The following PTPRT variants were observed in gnomAD, a reference collection of about 807,000 sequenced individuals.
PTPRT encodes receptor-type tyrosine-protein phosphatase T.
Under a neutral mutation model 176.8 loss-of-function variants are expected in PTPRT, and 56 were observed. The observed-to-expected ratio is 0.32, with a 90% CI of 0.26 to 0.40. The LOEUF (loss-of-function observed/expected upper bound fraction) is 0.40. Ranked by LOEUF, PTPRT falls within the 10% of genes least tolerant of loss-of-function variation. The pLI is 1.00. For missense variants in PTPRT, 1,540 were observed against 1,908.2 expected (o/e 0.81, Z 3.60); for synonymous variants, 783 against 739.0 (o/e 1.06, Z -0.96).
intron 1 of PTPRT, among the ~76,000 whole-genome samples, chr20:43,050,889 G>A (rs1987017487): frequency 6.6e-6 from 1 of 152,164 alleles, no homozygotes; most frequent in African/African-American, 2.4e-5. Flanking sequence ...CATCTCCTGG[G>A]TGCACTGATA....
At chr20:42,194,622 C>T (rs1018993990) in intron 16 of PTPRT, among the ~76,000 whole-genome samples, 24 of 152,106 alleles carry the variant, frequency 1.6e-4, no homozygotes, top group African/African-American at 5.3e-4. Context: ...AAAATGATCC[C>T]AGTGAGCAAA....
chr20:42,515,546 T>G (rs941043291), intron 7 of PTPRT, among the ~76,000 whole-genome samples: 1 of 152,210 alleles, frequency 6.6e-6, no homozygotes, highest in Non-Finnish European at 1.5e-5. Flanking sequence ...TTTGCTATTA[T>G]ACTTATTATC....
intron 2 of PTPRT, among the ~76,000 whole-genome samples, chr20:42,808,319 G>A (rs893569209): frequency 6.6e-6 from 1 of 152,176 alleles, no homozygotes; most frequent in Non-Finnish European, 1.5e-5. Context: ...CAGTGACAAT[G>A]GGTCTGGGGA....
chr20:42,288,180 T>C (rs1247475752), intron 12 of PTPRT, among the ~76,000 whole-genome samples: 2 of 151,908 alleles, frequency 1.3e-5, no homozygotes, highest in African/African-American at 2.4e-5. Flanking sequence ...CACACACCTA[T>C]GACCAGCACC....
chr20:42,888,506 T>C (rs528437774), intron 1 of PTPRT, among the ~76,000 whole-genome samples: 2 of 152,330 alleles, frequency 1.3e-5, no homozygotes, highest in Middle Eastern at 3.4e-3. Context: ...AGAGAATTGA[T>C]GCACTGAGGG....
intron 6 of PTPRT, among the ~76,000 whole-genome samples, chr20:42,755,649 C>T (rs1428582243): frequency 6.6e-6 from 1 of 151,364 alleles, no homozygotes; most frequent in African/African-American, 2.4e-5. Context: ...GGCCTCCCAA[C>T]TCTACCCCCA....
chr20:42,110,252 A>C, intron 23 of PTPRT, 81 bp downstream of exon 23: 1 of 1,336,354 alleles, frequency 7.5e-7, no homozygotes, highest in South Asian at 1.6e-5. Flanking sequence ...AGGTTTCACC[A>C]CGTTGGCCAG....
chr20:42,311,145 C>A (rs553875775), intron 12 of PTPRT, among the ~76,000 whole-genome samples: 1 of 152,264 alleles, frequency 6.6e-6, no homozygotes, highest in South Asian at 2.1e-4. Context: ...TTTGTTCTCT[C>A]CCCCACTAGA....
At chr20:42,490,673 T>A (rs2071546842) in intron 7 of PTPRT, among the ~76,000 whole-genome samples, 1 of 152,118 alleles carries the variant, frequency 6.6e-6, no homozygotes, top group Admixed American at 6.6e-5. Context: ...GCAATCCTCA[T>A]ACATCTTATT....
intron 1 of PTPRT, among the ~76,000 whole-genome samples, chr20:43,055,049 T>A (rs992910620): frequency 3.3e-5 from 5 of 152,222 alleles, no homozygotes; most frequent in African/African-American, 1.2e-4. Flanking sequence ...AATCTCCCCA[T>A]CACCCTACCA....
intron 1 of PTPRT, among the ~76,000 whole-genome samples, chr20:43,153,206 A>C (rs1361528252): frequency 6.6e-6 from 1 of 152,212 alleles, no homozygotes; most frequent in African/African-American, 2.4e-5. Flanking sequence ...GTGGACACCA[A>C]TATATATAGT....
At chr20:42,705,355 G>A (rs1252708328) in intron 6 of PTPRT, among the ~76,000 whole-genome samples, 1 of 148,500 alleles carries the variant, frequency 6.7e-6, no homozygotes, top group Non-Finnish European at 1.5e-5. Flanking sequence ...ATTATCGTTG[G>A]TTCTTATAGG....
At chr20:42,408,117 T>C (rs2058978830) in intron 9 of PTPRT, among the ~76,000 whole-genome samples, 3 of 152,164 alleles carry the variant, frequency 2.0e-5, no homozygotes, top group Non-Finnish European at 4.4e-5. Context: ...ACTCAGAATC[T>C]TCATAATTTT....
chr20:42,081,102 C>T (rs1238953343), intron 30 of PTPRT, among the ~76,000 whole-genome samples, 170 bp from the exon 31 acceptor site: 1 of 152,202 alleles, frequency 6.6e-6, no homozygotes, highest in East Asian at 1.9e-4. Flanking sequence ...CTTCAAAATT[C>T]TGCTTGATGC....
At chr20:42,118,619 C>T (rs578238165) in intron 20 of PTPRT, 119 bp from the exon 21 acceptor site, 1 of 680,754 alleles carries the variant, frequency 1.5e-6, no homozygotes, top group African/African-American at 1.8e-5. Context: ...GCCAGGTGAT[C>T]CTTGTTAAGA....
intron 7 of PTPRT, among the ~76,000 whole-genome samples, chr20:42,577,044 A>G (rs994156706): frequency 3.3e-5 from 5 of 152,180 alleles, no homozygotes; most frequent in African/African-American, 9.6e-5. Flanking sequence ...AGTACACAAG[A>G]AAGTTCAGGT....
At chr20:42,782,835 C>A (rs1164678382) in intron 3 of PTPRT, among the ~76,000 whole-genome samples, 1 of 152,094 alleles carries the variant, frequency 6.6e-6, no homozygotes, top group East Asian at 1.9e-4. Flanking sequence ...ATTAGGTGGA[C>A]TAAAATGGTC....
At chr20:42,370,969 T>C (rs2058579232) in intron 9 of PTPRT, among the ~76,000 whole-genome samples, 1 of 152,190 alleles carries the variant, frequency 6.6e-6, no homozygotes, top group Non-Finnish European at 1.5e-5. Flanking sequence ...TTTTCCACCC[T>C]CTCTTGGTTT....
chr20:42,505,742 A>G (rs1013836632), intron 7 of PTPRT, among the ~76,000 whole-genome samples: 1 of 152,270 alleles, frequency 6.6e-6, no homozygotes, highest in African/African-American at 2.4e-5. Flanking sequence ...GTGAAAATTA[A>G]TGCATCTCTG....
Sources: gnomAD v4.1 joint callset for allele counts (sites outside exome capture counted in the v4.1 genomes callset) on GRCh38, gnomAD v4.1.1 for gene constraint, MANE v1.5 for transcripts, NCBI Gene and HGNC (gene_info 2026-07-23, HGNC 2026-07-21) for gene names.